KLHL13: variants seen among roughly 807,000 people sequenced by gnomAD.
KLHL13 encodes the protein kelch like family member 13, also known as kelch-like protein 13.
A neutral mutation model predicts 37.1 loss-of-function variants in KLHL13; 10 were observed. The ratio of observed to expected loss-of-function variants is 0.27; its 90% CI spans 0.17 to 0.46. KLHL13 has a LOEUF of 0.46. KLHL13 is among the 20% of genes least tolerant of loss of function. The pLI is 1.00. For missense variants in KLHL13, 360 were observed against 509.3 expected (o/e 0.71, Z 2.82); for synonymous variants, 163 against 181.2 (o/e 0.90, Z 0.81).
At chrX:118,076,187 G>A (rs1258567276) in intron 1 of KLHL13, among the ~76,000 whole-genome samples, 2 of 111,126 alleles carry the variant, frequency 1.8e-5, no homozygotes, top group Non-Finnish European at 3.8e-5. Context: ...GAGGTCACTG[G>A]TACCTTATTT....
At chrX:118,019,513 A>G (rs2054173453) in intron 1 of KLHL13, among the ~76,000 whole-genome samples, 1 of 110,231 alleles carries the variant, frequency 9.1e-6, no homozygotes, top group African/African-American at 3.3e-5. Context: ...CCCATTTGTC[A>G]ATTTTGGCTT....
chrX:118,020,605 C>T (rs1358286377), intron 1 of KLHL13, among the ~76,000 whole-genome samples: 1 of 110,732 alleles, frequency 9.0e-6, no homozygotes, highest in African/African-American at 3.3e-5. Context: ...GGATCTAGAA[C>T]TAGAAATACC....
intron 1 of KLHL13, among the ~76,000 whole-genome samples, chrX:118,100,881 T>C (rs1367428902): frequency 8.9e-6 from 1 of 112,047 alleles, no homozygotes; most frequent in Non-Finnish European, 1.9e-5. Flanking sequence ...AGATCCTTGA[T>C]CAAACCTACC....
At chrX:118,072,646 C>T (rs1326912255) in intron 1 of KLHL13, among the ~76,000 whole-genome samples, 1 of 111,778 alleles carries the variant, frequency 8.9e-6, no homozygotes, top group Non-Finnish European at 1.9e-5. Flanking sequence ...AAAAAACAAA[C>T]AACCCCATCA....
intron 1 of KLHL13, among the ~76,000 whole-genome samples, chrX:118,029,189 G>A (rs1034821098): frequency 9.0e-6 from 1 of 111,378 alleles, no homozygotes; most frequent in Non-Finnish European, 1.9e-5. Flanking sequence ...GGTTAGACAA[G>A]AGAAGTTAGA....
At chrX:118,053,849 GGAGAGA>G (rs1368193204) in intron 1 of KLHL13, among the ~76,000 whole-genome samples, 1 of 11,008 alleles carries the variant, frequency 9.1e-5, no homozygotes, top group African/African-American at 3.5e-4. Context: ...GAGAGAGAGA[GGAGAGA>G]GAGAGAGAGA....
In KLHL13 at chrX:118,074,832, T is replaced by C. The variant is rs150806222; in HGVS notation, c.-56+41676A>G. ...TTTCCTCTGTCCCAACATGTGCACA[T>C]TGAATTATCCCTCCCGAAGTGTTCC... is the stretch of plus-strand genomic sequence containing the variant. On this transcript the variant is annotated intron_variant, in intron 1 of 6. Transcript: ENST00000371882. 8.2e-3 allele frequency among the ~76,000 whole-genome samples: 916 copies of C among 111,850 alleles called. 12 individuals carry two copies. The highest frequency in any genetic ancestry group is 0.027 in the African/African-American group (845 of 30,842).
At chrX:118,025,477 A>G (rs1010532138) in intron 1 of KLHL13, among the ~76,000 whole-genome samples, 2 of 111,634 alleles carry the variant, frequency 1.8e-5, no homozygotes, top group Non-Finnish European at 3.8e-5. Context: ...GTCACTTAGT[A>G]GCCAGTTCAG....
intron 1 of KLHL13, among the ~76,000 whole-genome samples, chrX:118,072,871 G>A (rs1329885483): frequency 9.0e-6 from 1 of 111,009 alleles, no homozygotes; most frequent in Non-Finnish European, 1.9e-5. Flanking sequence ...GAGGTGGGAA[G>A]ACACTTGAGC....
intron 1 of KLHL13, among the ~76,000 whole-genome samples, chrX:118,046,410 G>A (rs919431936): frequency 8.0e-5 from 9 of 112,105 alleles, no homozygotes; most frequent in Non-Finnish European, 1.7e-4. Context: ...GCTGGGTAGG[G>A]AGAAGTGGGG....
intron 1 of KLHL13, among the ~76,000 whole-genome samples, chrX:118,036,174 T>C (rs1235351013): frequency 2.9e-5 from 3 of 101,932 alleles, no homozygotes; most frequent in African/African-American, 1.1e-4. Flanking sequence ...CTGCCCAAGG[T>C]AATTTACAGA....
At chrX:118,031,170 T>C (rs5956858) in intron 1 of KLHL13, among the ~76,000 whole-genome samples, 6,036 of 109,741 alleles carry the variant, frequency 0.055, 407 homozygotes, top group African/African-American at 0.19. Flanking sequence ...ATTAGGAGTT[T>C]TATGGGAAGA....
chrX:117,985,221 GA>G, intron 1 of KLHL13: 1 of 1,096,345 alleles, frequency 9.1e-7, no homozygotes. Context: ...GTAAATAAAG[GA>G]AAAGAAAGGT....
intron 1 of KLHL13, among the ~76,000 whole-genome samples, chrX:117,981,624 G>A (rs2053662864): frequency 9.0e-6 from 1 of 111,601 alleles, no homozygotes; most frequent in Non-Finnish European, 1.9e-5. Context: ...TTAAGTCAGA[G>A]ACACTTGAGC....
At chrX:117,992,324 G>A (rs1030997485) in intron 1 of KLHL13, among the ~76,000 whole-genome samples, 4 of 109,456 alleles carry the variant, frequency 3.7e-5, no homozygotes, top group African/African-American at 6.7e-5. Flanking sequence ...AGAATCCATC[G>A]CACCTTTCCT....
intron 5 of KLHL13, among the ~76,000 whole-genome samples, chrX:117,908,420 T>A (rs1239670597): frequency 9.3e-6 from 1 of 108,099 alleles, no homozygotes; most frequent in Non-Finnish European, 1.9e-5. Flanking sequence ...CAGGCCCTGG[T>A]GTGTGATGTT....
At chrX:117,970,626 A>G (rs761637420) in intron 1 of KLHL13, among the ~76,000 whole-genome samples, 7 of 111,711 alleles carry the variant, frequency 6.3e-5, no homozygotes, top group African/African-American at 2.3e-4. Context: ...ATAGAGAAGT[A>G]CTGATGAGAA....
chrX:117,986,961 C>T (rs2053733293), intron 1 of KLHL13, among the ~76,000 whole-genome samples: 1 of 111,303 alleles, frequency 9.0e-6, no homozygotes, highest in African/African-American at 3.3e-5. Flanking sequence ...GAAAGCCCAC[C>T]TCCCAGACTT....
intron 2 of KLHL13, among the ~76,000 whole-genome samples, chrX:117,925,007 A>C (rs1931931644): frequency 9.0e-6 from 1 of 111,365 alleles, no homozygotes; most frequent in African/African-American, 3.3e-5. Context: ...AAATAGAGAG[A>C]GGTACATATC....
Sources: gnomAD v4.1 joint callset for allele counts (sites outside exome capture counted in the v4.1 genomes callset) on GRCh38, gnomAD v4.1.1 for gene constraint, MANE v1.5 for transcripts, NCBI Gene and HGNC (gene_info 2026-07-23, HGNC 2026-07-21) for gene names.